SLC2A14: variants seen among roughly 807,000 people sequenced by gnomAD.
SLC2A14 encodes solute carrier family 2 member 14, also known as solute carrier family 2, facilitated glucose transporter member 14.
Under a neutral mutation model 43.0 loss-of-function variants are expected in SLC2A14, and 13 were observed. That is an observed-to-expected ratio of 0.30 (90% CI 0.20 to 0.48). The LOEUF is 0.48. Among genes scored for constraint, SLC2A14 ranks in the 20% least tolerant of loss-of-function variants. The probability of loss-of-function intolerance (pLI) is 0.99; values close to 1 mark genes in which losing one functional copy is unlikely to be tolerated. For synonymous variants in SLC2A14, 190 were observed against 233.8 expected, an observed-to-expected ratio of 0.81 and a Z score of 1.71; for missense variants, 428 against 620.4, an observed-to-expected ratio of 0.69 and a Z score of 3.29.
chr12:7,838,323 C>A (rs1401150130), intron 2 of SLC2A14, among the ~76,000 whole-genome samples: 2 of 145,986 alleles, frequency 1.4e-5, no homozygotes, highest in East Asian at 2.1e-4. Flanking sequence ...CCTGACCTTG[C>A]GATCCACCTG....
chr12:7,832,922 G>T, intron 2 of SLC2A14, 108 bp from the exon 3 acceptor site: 1 of 1,029,754 alleles, frequency 9.7e-7, no homozygotes, highest in Non-Finnish European at 1.4e-6. Context: ...CCTATGAGTG[G>T]TATGAAAAGG....
At chr12:7,862,100 C>T (rs1440573907) in intron 2 of SLC2A14, among the ~76,000 whole-genome samples, 14 of 151,344 alleles carry the variant, frequency 9.3e-5, no homozygotes. Flanking sequence ...CCCGTCTCTA[C>T]TAAAAATACA....
chr12:7,856,743 C>T lies in SLC2A14; in HGVS notation c.18+13120G>A, dbSNP rs766112421. On this transcript the variant is annotated intron_variant, in intron 2 of 10. Transcript: ENST00000431042. ...GGAGGCTGTTAGACATACAAATTCT[C>T]GGCTCCACCCCAGGCCTGCTGAGTC... Among the ~76,000 whole-genome samples, 155 of 152,158 alleles carry T rather than the reference C, an allele frequency of 1.0e-3. 1 individual carries two copies. The highest frequency in any genetic ancestry group is 3.4e-3 in the African/African-American group (143 of 41,516).
chr12:7,877,897 C>G (rs749343606), upstream of SLC2A14, among the ~76,000 whole-genome samples: 1 of 152,150 alleles, frequency 6.6e-6, no homozygotes, highest in Non-Finnish European at 1.5e-5. Flanking sequence ...CACATGCCAT[C>G]ATGCCCAGCT....
At chr12:7,870,911 A>G in intron 1 of SLC2A14, 5 of 1,401,610 alleles carry the variant, frequency 3.6e-6, no homozygotes, top group Non-Finnish European at 4.8e-6. Context: ...ACAAGGGGCC[A>G]CATCCAATGT....
chr12:7,850,131 G>A (rs1866807160), intron 2 of SLC2A14, among the ~76,000 whole-genome samples: 1 of 151,932 alleles, frequency 6.6e-6, no homozygotes, highest in South Asian at 2.1e-4. Context: ...CTTGGAAGAT[G>A]GGTAGACTAA....
At chr12:7,881,425 G>A (rs1351292489) in intron 1 of SLC2A14, among the ~76,000 whole-genome samples, 2 of 152,022 alleles carry the variant, frequency 1.3e-5, no homozygotes, top group Admixed American at 6.5e-5. Context: ...TTAGCACCTG[G>A]GCCAGCGGCT....
chr12:7,886,345 T>A (rs770012573), intron 1 of SLC2A14, among the ~76,000 whole-genome samples: 5 of 796 alleles, frequency 6.3e-3, no homozygotes, highest in Non-Finnish European at 0.02. Context: ...TTTTAAAATT[T>A]ATTTATTTAT....
At chr12:7,880,113 C>T (rs1945539702) in intron 1 of SLC2A14, among the ~76,000 whole-genome samples, 1 of 151,612 alleles carries the variant, frequency 6.6e-6, no homozygotes, top group Admixed American at 6.6e-5. Context: ...GCCAGCCTGA[C>T]CAACATGGAG....
chr12:7,822,410 G>T (rs776298950), intron 7 of SLC2A14, among the ~76,000 whole-genome samples: 17 of 151,594 alleles, frequency 1.1e-4, no homozygotes, highest in Non-Finnish European at 2.4e-4. Context: ...GCTCACGCCT[G>T]CAATCCCAGC....
intron 1 of SLC2A14, among the ~76,000 whole-genome samples, chr12:7,889,272 T>A (rs1354151637): frequency 6.7e-6 from 1 of 149,602 alleles, no homozygotes; most frequent in East Asian, 2.0e-4. Context: ...TCGCTCTTGT[T>A]GTCTAGGCTG....
At position 7,814,624 on chromosome 12, in the gene SLC2A14, T is replaced by C. The variant is rs1268522430; in HGVS notation, c.1276-90A>G. On this transcript the variant is annotated intron_variant, in intron 10 of 10. Transcript: ENST00000431042. ...CTTCACATTCATATTTCCAATAGGC[T>C]TCAAGCTATAACCCTTCCATATTTA... 2.9e-6 allele frequency: 4 copies of C among 1,368,718 alleles called. No homozygotes were observed. In the African/African-American group the frequency reaches 4.4e-5, roughly 15 times the overall value. 84.8% of individuals were successfully genotyped at this position (1,368,718 alleles called of 1,614,324 possible).
chr12:7,882,785 T>A (rs1408265452), intron 1 of SLC2A14, among the ~76,000 whole-genome samples: 2 of 151,978 alleles, frequency 1.3e-5, no homozygotes, highest in African/African-American at 4.8e-5. Flanking sequence ...TGCAGTGAGC[T>A]GAGATCTGGC....
upstream of SLC2A14, among the ~76,000 whole-genome samples, chr12:7,875,019 A>G (rs1274516806): frequency 1.8e-5 from 2 of 109,970 alleles, no homozygotes; most frequent in African/African-American, 3.7e-5. Flanking sequence ...TATAAAAATT[A>G]TATATAAATA....
At chr12:7,823,901 A>G (rs1282125988) in intron 7 of SLC2A14, among the ~76,000 whole-genome samples, 1 of 152,166 alleles carries the variant, frequency 6.6e-6, no homozygotes, top group East Asian at 1.9e-4. Context: ...TTCTCAAGAA[A>G]TAACTATTTA....
intron 2 of SLC2A14, among the ~76,000 whole-genome samples, chr12:7,835,621 T>C (rs140150977): frequency 1.1e-3 from 172 of 152,316 alleles, no homozygotes; most frequent in African/African-American, 4.0e-3. Context: ...GGGTGCTTGC[T>C]AGTATGATAA....
At chr12:7,830,034 A>C (rs1406403318) in intron 4 of SLC2A14, 28 bp from the exon 5 acceptor site, 2 of 1,613,018 alleles carry the variant, frequency 1.2e-6, no homozygotes, top group Non-Finnish European at 1.7e-6. Flanking sequence ...GACAACATGG[A>C]ATTAGCAAAG....
intron 7 of SLC2A14, among the ~76,000 whole-genome samples, chr12:7,823,660 C>A (rs1436904963): frequency 6.6e-6 from 1 of 151,750 alleles, no homozygotes; most frequent in Non-Finnish European, 1.5e-5. Flanking sequence ...GTGGAGGTTG[C>A]GGTGAGCCGA....
chr12:7,827,073 C>CTTTCTTTCTTTCTTTCTTTCTTTCTT (rs1349948625), intron 7 of SLC2A14, among the ~76,000 whole-genome samples: 2 of 118,102 alleles, frequency 1.7e-5, no homozygotes, highest in African/African-American at 6.8e-5. Flanking sequence ...TTCTCTCTCT[C>CTTTCTTTCTTTCTTTCTTTCTTTCTT]TCTTTCTTTC....
Sources: gnomAD v4.1 joint callset for allele counts (sites outside exome capture counted in the v4.1 genomes callset) on GRCh38, gnomAD v4.1.1 for gene constraint, MANE v1.5 for transcripts, NCBI Gene and HGNC (gene_info 2026-07-23, HGNC 2026-07-21) for gene names.